Variants in ARHGAP45 observed in about 807,000 individuals in gnomAD.
The protein encoded by ARHGAP45 is rho GTPase-activating protein 45.
Under a neutral mutation model 116.1 loss-of-function variants are expected in ARHGAP45, and 56 were observed. The observed-to-expected ratio is 0.48, with a 90% CI of 0.39 to 0.60. ARHGAP45 has a LOEUF of 0.60. Among genes scored for constraint, ARHGAP45 ranks in the 20% least tolerant of loss-of-function variants. The pLI, the probability that ARHGAP45 is intolerant of heterozygous loss-of-function variation, is 0.00. For missense variants in ARHGAP45, 1,622 were observed against 1,601.0 expected (o/e 1.01, Z -0.22); for synonymous variants, 866 against 701.7 (o/e 1.23, Z -3.70).
chr19:1,083,718 G>A (rs759447409), intron 21 of ARHGAP45, among the ~76,000 whole-genome samples: 3 of 152,086 alleles, frequency 2.0e-5, no homozygotes, highest in Non-Finnish European at 4.4e-5. Flanking sequence ...ACTGCACTCC[G>A]CCGCGAGGTC....
Position 1,086,042 on chromosome 19 carries a change from C to G in ARHGAP45, c.*36C>G, listed in dbSNP as rs757352298. On this transcript the variant is annotated 3_prime_UTR_variant, in exon 23 of 23. Transcript: ENST00000313093. ...GGCTGGGACCACAGGTGGCTTCTCT[C>G]TTGCCTGCTCCTGTCCCTCCAGCAC... 5.1e-6 allele frequency: 8 copies of G among 1,553,536 alleles called. No homozygotes were observed. In the South Asian group the frequency reaches 8.1e-5, roughly 16 times the overall value.
intron 19 of ARHGAP45, among the ~76,000 whole-genome samples, chr19:1,082,262 C>T (rs1488174537): frequency 1.1e-5 from 1 of 87,784 alleles, no homozygotes; most frequent in South Asian, 4.1e-4. Flanking sequence ...AGAGGCACAC[C>T]TGACGCTGTG....
In ARHGAP45 at chr19:1,086,412, A is replaced by C; in HGVS notation, c.*406A>C. On this transcript the variant is annotated 3_prime_UTR_variant, in exon 23 of 23. Coordinates refer to ENST00000313093, the MANE Select transcript of ARHGAP45 (RefSeq NM_012292.5). Reference sequence around the variant, plus strand: ...CAGGTCTGTTGCAGGGACTCCAGAAACCATTCTGGGAGCCGTGGATGGGGG... The same window carrying C: ...CAGGTCTGTTGCAGGGACTCCAGAACCCATTCTGGGAGCCGTGGATGGGGG... The C allele has an allele frequency of 5.6e-6, 1 of 178,762 alleles. No individual in the cohort carries two copies. Among genetic ancestry groups the C allele is most frequent in the Non-Finnish European group, 1.2e-5 (1 of 83,762 alleles). 11.1% of individuals were successfully genotyped at this position (178,762 alleles called of 1,614,324 possible).
chr19:1,068,135 A>C lies in ARHGAP45; in HGVS notation c.91-279A>C, dbSNP rs2145003317. Reference sequence around the variant, plus strand: ...AGGGCTGAGGACCCTCCCCACCCCCACCAGGAAGTGGGGACCCCCCTCCCG... The same window carrying C: ...AGGGCTGAGGACCCTCCCCACCCCCCCCAGGAAGTGGGGACCCCCCTCCCG... On this transcript the variant is annotated intron_variant, in intron 1 of 22. Transcript: ENST00000313093. The surrounding 1 kb of genome is among the most constrained non-coding windows in gnomAD (Gnocchi z 7.5). 6.6e-6 allele frequency among the ~76,000 whole-genome samples: 1 copy of C among 152,020 alleles called. No homozygotes were observed. The highest frequency in any genetic ancestry group is 6.5e-5 in the Admixed American group (1 of 15,296).
upstream of ARHGAP45, chr19:1,066,196 G>C (rs1417024529): frequency 6.5e-7 from 1 of 1,530,734 alleles, no homozygotes; most frequent in Admixed American, 2.0e-5. Flanking sequence ...AAAGGAAAGA[G>C]GTTGGGGTTT....
chr19:1,067,051 C>T, upstream of ARHGAP45: 1 of 498,224 alleles, frequency 2.0e-6, no homozygotes, highest in Non-Finnish European at 2.7e-6. Flanking sequence ...CCGCCAGCGT[C>T]AGGCAGGGGC....
intron 10 of ARHGAP45, chr19:1,077,071 CTGA>C (rs1317787511): frequency 2.0e-6 from 2 of 985,176 alleles, no homozygotes; most frequent in Non-Finnish European, 2.4e-6. Context: ...GTGTGCGAAT[CTGA>C]TGGTGCAGGT....
chr19:1,078,748 G>C (rs1193337039), intron 11 of ARHGAP45, among the ~76,000 whole-genome samples: 1 of 149,474 alleles, frequency 6.7e-6, no homozygotes, highest in East Asian at 2.0e-4. Context: ...ACAGTGTCTT[G>C]TTCTGTCACC....
chr19:1,077,262 C>T, intron 10 of ARHGAP45: 1 of 985,358 alleles, frequency 1.0e-6, no homozygotes, highest in Non-Finnish European at 1.2e-6. Context: ...GCAGAGGCTG[C>T]CGTGTGAGCC....
Position 1,086,509 on chromosome 19 carries a change from T to G in ARHGAP45, c.*503T>G. The stretch of plus-strand genomic sequence containing the variant: ...CTGAATACTGGCCCTGGACTCCCTT[T>G]TCCAGAACACCAGGTGTGGCCACCT... On this transcript the variant is annotated 3_prime_UTR_variant, in exon 23 of 23. Transcript: ENST00000313093. 6.5e-6 allele frequency: 1 copy of G among 153,252 alleles called. No individual in the cohort carries two copies. 9.5% of individuals were successfully genotyped at this position (153,252 alleles called of 1,614,324 possible).
Position 1,085,680 on chromosome 19 carries a change from G to A in ARHGAP45, c.3085G>A (p.Asp1029Asn), listed in dbSNP as rs746687878. 13 of 1,579,066 alleles carry A rather than the reference G, an allele frequency of 8.2e-6. No individual in the cohort carries two copies. The East Asian group carries it at 9.1e-5, about 11-fold the overall frequency. Residue 1029 changes from aspartate to asparagine, a missense_variant, in exon 23 of 23, where the codon GAT (aspartate) becomes AAT (asparagine). This residue lies in a region of ARHGAP45 where 1,334 missense variants were observed against 1,263.8 expected (regional missense o/e 1.06). Transcript: ENST00000313093. ...CTTAGAATCCCGAGTTGTGTCCAACGATTCGGACTCGGACCTAGAGGAGGC... is the reference window on the plus strand; with the variant it reads ...CTTAGAATCCCGAGTTGTGTCCAACAATTCGGACTCGGACCTAGAGGAGGC... ...GCRESRVVSNDSDSDLEEASE... is the reference protein window; with the variant it reads ...GCRESRVVSNNSDSDLEEASE...
Position 1,078,035 on chromosome 19 carries a change from C to T in ARHGAP45, c.1364C>T (p.Ala455Val), listed in dbSNP as rs1358586207. ...LDKRRRLEEEAKNKAEEAMAT... is the reference protein window; with the variant it reads ...LDKRRRLEEEVKNKAEEAMAT... ...AAGCGGCGGCGGCTGGAGGAGGAGG[C>T]CAAGAACAAGGTGAGGGCGGGTGGA... The change falls in exon 11 of 23, where the codon GCC becomes GTC. Residue 455 changes from alanine (A) to valine (V), a missense_variant. By Grantham distance (64) the Ala-to-Val change is moderately conservative. This residue lies in a region of ARHGAP45 where 1,334 missense variants were observed against 1,263.8 expected (regional missense o/e 1.06). Coordinates refer to ENST00000313093, the MANE Select transcript of ARHGAP45 (RefSeq NM_012292.5). 1 of 1,553,740 alleles carries T rather than the reference C, an allele frequency of 6.4e-7. No homozygotes were observed. Among genetic ancestry groups the T allele is most frequent in the Non-Finnish European group, 8.7e-7 (1 of 1,147,024 alleles).
rs1318593762 is a variant in ARHGAP45, at chr19:1,085,984, A to T, written c.3389A>T (p.Glu1130Val). The change falls in exon 23 of 23, where the codon GAA becomes GTA. Residue 1130 changes from glutamate (E) to valine (V), a missense_variant. By Grantham distance (121) the Glu-to-Val change is moderately radical (BLOSUM62 -2). Transcript: ENST00000313093. ...GGRMTLGSCR[E>V]RQPEFV is the part of the protein sequence containing the mutation. ...CGGATGACACTGGGCTCCTGCAGGGAAAGGCAGCCGGAATTCGTGTGAGCT... is the reference window on the plus strand; with the variant it reads ...CGGATGACACTGGGCTCCTGCAGGGTAAGGCAGCCGGAATTCGTGTGAGCT... The T allele has an allele frequency of 6.2e-7, 1 of 1,612,358 alleles. No individual in the cohort carries two copies. The highest frequency in any genetic ancestry group is 8.5e-7 in the Non-Finnish European group (1 of 1,179,626).
rs1044025613 is a variant in ARHGAP45 at position 1,074,640 on chromosome 19, C to T, written c.1020C>T (p.Tyr340=). The T allele has an allele frequency of 2.5e-6, 4 of 1,605,644 alleles. No individual in the cohort carries two copies. Among genetic ancestry groups the T allele is most frequent in the African/African-American group, 2.7e-5 (2 of 74,788 alleles). Residue 340 remains tyrosine, a synonymous_variant, in exon 9 of 23, where the codon TAC becomes TAT. Coordinates refer to ENST00000313093, the MANE Select transcript of ARHGAP45 (RefSeq NM_012292.5). ...CCCACATGCCGCTCCTGTCCATCTA[C>T]TCGCTGGCCCTGGAGCAGGACCTGG... ...QEPHMPLLSI[Y]SLALEQDLEF...
intron 21 of ARHGAP45, among the ~76,000 whole-genome samples, 169 bp from the exon 22 acceptor site, chr19:1,084,069 C>G (rs142524887): frequency 7.9e-5 from 12 of 152,244 alleles, no homozygotes; most frequent in African/African-American, 2.9e-4. Context: ...TCCATCTTCC[C>G]TGGGTGTTTA....
intron 11 of ARHGAP45, among the ~76,000 whole-genome samples, chr19:1,079,067 C>A (rs1176587256): frequency 6.6e-6 from 1 of 151,606 alleles, no homozygotes. Context: ...GTAGTCCCAG[C>A]TACTCGGGAG....
intron 5 of ARHGAP45, 79 bp from the exon 6 acceptor site, chr19:1,073,869 G>A (rs2043184206): frequency 1.3e-6 from 2 of 1,529,888 alleles, no homozygotes; most frequent in Non-Finnish European, 8.8e-7. Flanking sequence ...TCTGGGGGAG[G>A]CAGCAACCGT....
At chr19:1,072,739 C>G (rs940248507) in intron 2 of ARHGAP45, among the ~76,000 whole-genome samples, 1 of 152,238 alleles carries the variant, frequency 6.6e-6, no homozygotes, top group Non-Finnish European at 1.5e-5. Context: ...CTTCCCCTCT[C>G]TATGCCTCAG....
In ARHGAP45 at chr19:1,069,320, G is replaced by A. The variant is rs981460568; in HGVS notation, c.421+576G>A. ...CCGGCAGTTCCGTTTTCTCCTCCACGCGGCCGCTGACAGCCCTGCTTCCTG... is the reference window on the plus strand; with the variant it reads ...CCGGCAGTTCCGTTTTCTCCTCCACACGGCCGCTGACAGCCCTGCTTCCTG... On this transcript the variant is annotated intron_variant, in intron 2 of 22. Coordinates refer to ENST00000313093, the MANE Select transcript of ARHGAP45 (RefSeq NM_012292.5). The surrounding 1 kb of genome is among the most constrained non-coding windows in gnomAD (Gnocchi z 4.1). 3.3e-5 allele frequency among the ~76,000 whole-genome samples: 5 copies of A among 152,268 alleles called. No homozygotes were observed. The highest frequency in any genetic ancestry group is 4.1e-4 in the South Asian group (2 of 4,828).
Sources: gnomAD v4.1 joint callset for allele counts (sites outside exome capture counted in the v4.1 genomes callset) on GRCh38, gnomAD v4.1.1 for gene constraint, gnomAD v4.1.1 regional missense constraint, Gnocchi (gnomAD v3.1) non-coding constraint, MANE v1.5 for transcripts, NCBI Gene and HGNC (gene_info 2026-07-23, HGNC 2026-07-21) for gene names.